Variants in ENTPD5 observed in about 807,000 individuals in gnomAD.
ENTPD5 encodes nucleoside diphosphate phosphatase ENTPD5.
Under a neutral mutation model 60.2 loss-of-function variants are expected in ENTPD5, and 49 were observed. The observed-to-expected ratio is 0.81, with a 90% CI of 0.65 to 1.03. ENTPD5 has a LOEUF of 1.03. ENTPD5 is among the 50% of genes least tolerant of loss of function. ENTPD5 has a pLI of 0.00. For missense variants in ENTPD5, 480 were observed against 507.6 expected, an observed-to-expected ratio of 0.95 and a Z score of 0.52; for synonymous variants, 187 against 185.4, an observed-to-expected ratio of 1.01 and a Z score of -0.07.
chr14:73,967,799 CAAAAAA>C (rs33926682), intron 15 of ENTPD5, among the ~76,000 whole-genome samples: 3 of 97,836 alleles, frequency 3.1e-5, no homozygotes, highest in African/African-American at 4.1e-5. Context: ...GACCCTGTCT[CAAAAAA>C]AAAAAAAAAA....
Position 73,966,724 on chromosome 14 carries a change from C to T in ENTPD5, c.*204G>A. On this transcript the variant is annotated 3_prime_UTR_variant, in exon 16 of 16. Transcript: ENST00000334696. ...AGTTCCAAAACTATACTTTTTGGCT[C>T]ACAGGGCTCTCTGTGATGCTCTGGT... 1 of 471,960 alleles carries T rather than the reference C, an allele frequency of 2.1e-6. No individual in the cohort carries two copies. Among genetic ancestry groups the T allele is most frequent in the South Asian group, 3.8e-5 (1 of 26,586 alleles). 29.2% of individuals were successfully genotyped at this position (471,960 alleles called of 1,614,324 possible). A position where few individuals can be genotyped will look rare whatever the true frequency, so the allele number is the denominator to read the frequency against.
At chr14:74,004,287 C>T (rs1353472072) in intron 3 of ENTPD5, among the ~76,000 whole-genome samples, 2 of 151,988 alleles carry the variant, frequency 1.3e-5, no homozygotes, top group Middle Eastern at 3.2e-3. Context: ...CCTGTCACAG[C>T]CTCCGAAGTA....
chr14:74,008,818 A>T (rs1289464818), intron 3 of ENTPD5: 2 of 152,200 alleles, frequency 1.3e-5, no homozygotes, highest in African/African-American at 4.8e-5. Flanking sequence ...GGCTTATACC[A>T]CCATGCCTGG....
At chr14:73,957,575 C>T (rs915304315), downstream of ENTPD5, among the ~76,000 whole-genome samples, 9 of 151,968 alleles carry the variant, frequency 5.9e-5, no homozygotes, top group Admixed American at 2.6e-4. Context: ...CTAACTGGGA[C>T]GACAGGTGCG....
chr14:73,980,918 C>A (rs900062807), intron 6 of ENTPD5, among the ~76,000 whole-genome samples: 2 of 150,862 alleles, frequency 1.3e-5, no homozygotes, highest in African/African-American at 4.9e-5. Flanking sequence ...ACCAACATGG[C>A]GAAACCCCAT....
chr14:73,972,768 A>T, intron 13 of ENTPD5, 116 bp downstream of exon 13: 1 of 1,220,058 alleles, frequency 8.2e-7, no homozygotes, highest in Non-Finnish European at 1.1e-6. Context: ...TCGAGTGACT[A>T]GAAAAGAGGT....
At chr14:73,955,888 C>T (rs780544618), downstream of ENTPD5, 1 of 1,614,114 alleles carries the variant, frequency 6.2e-7, no homozygotes, top group Non-Finnish European at 8.5e-7. Flanking sequence ...AGAATGATGT[C>T]ATCATGCATG....
At position 73,966,184 on chromosome 14, in the gene ENTPD5, A is replaced by G. The variant is rs1397585707; in HGVS notation, c.*744T>C. ...GCACTGAATATACACATACCCATAA[A>G]GTCGGATATGTTCATTAATCCCAGA... On this transcript the variant is annotated 3_prime_UTR_variant, in exon 16 of 16. Coordinates refer to ENST00000334696, the MANE Select transcript of ENTPD5 (RefSeq NM_001249.5). The G allele has an allele frequency of 6.6e-6, 1 of 152,232 alleles. No homozygotes were observed. Among genetic ancestry groups the G allele is most frequent in the Admixed American group, 6.5e-5 (1 of 15,272 alleles). The allele number at this position is 152,232 out of a possible 1,614,324, so 9.4% of individuals were successfully genotyped here.
chr14:73,986,645 A>G (rs1219082613), intron 5 of ENTPD5, 169 bp downstream of exon 5: 1 of 611,278 alleles, frequency 1.6e-6, no homozygotes, highest in Non-Finnish European at 2.9e-6. Context: ...AGCCCTCATG[A>G]GCGTGGGAAA....
At chr14:73,955,436 T>A (rs1485645110), downstream of ENTPD5, 2 of 1,612,648 alleles carry the variant, frequency 1.2e-6, no homozygotes, top group Non-Finnish European at 1.7e-6. Flanking sequence ...GGTCTATAGA[T>A]CCTTTCTTTT....
At chr14:73,994,594 G>A (rs888494464) in intron 3 of ENTPD5, among the ~76,000 whole-genome samples, 5 of 151,954 alleles carry the variant, frequency 3.3e-5, no homozygotes, top group Non-Finnish European at 2.9e-5. Flanking sequence ...TTAGCCAGGC[G>A]TGGTGGCAGG....
intron 7 of ENTPD5, 66 bp from the exon 8 acceptor site, chr14:73,977,125 GT>G (rs141812276): frequency 0.026 from 28,128 of 1,085,618 alleles, 1 homozygote; most frequent in South Asian, 0.029. Flanking sequence ...CCCCAACCTT[GT>G]TTTTTTTTTT....
rs1022080850 is a variant in ENTPD5, at chr14:73,970,061, G to A, written c.1149C>T (p.Ile383=). ...SPFLCMDLSY[I]TALLKDGFGF... ...CAAAGCCATCCTTTAACAGGGCTGTGATGTAGCTGAGATCCATGCACAGGA... is the reference window on the plus strand; with the variant it reads ...CAAAGCCATCCTTTAACAGGGCTGTAATGTAGCTGAGATCCATGCACAGGA... Residue 383 remains isoleucine (I), a synonymous_variant, in exon 15 of 16, where the codon ATC becomes ATT. Transcript: ENST00000334696. 4.3e-6 allele frequency: 7 copies of A among 1,614,020 alleles called. No individual in the cohort carries two copies. The highest frequency in any genetic ancestry group is 5.9e-6 in the Non-Finnish European group (7 of 1,179,904).
At chr14:74,007,184 C>G (rs72723799) in intron 3 of ENTPD5, among the ~76,000 whole-genome samples, 11,733 of 151,838 alleles carry the variant, frequency 0.077, 549 homozygotes, top group South Asian at 0.14. Context: ...CCTAGAAGTT[C>G]AAGGCCAGCC....
chr14:73,972,291 T>C (rs2057262169), intron 13 of ENTPD5, among the ~76,000 whole-genome samples: 1 of 152,040 alleles, frequency 6.6e-6, no homozygotes, highest in South Asian at 2.1e-4. Flanking sequence ...GGAGAATCGG[T>C]TGAACCCGGG....
chr14:73,999,100 G>A (rs938007559), intron 3 of ENTPD5, among the ~76,000 whole-genome samples: 1 of 151,370 alleles, frequency 6.6e-6, no homozygotes, highest in Non-Finnish European at 1.5e-5. Flanking sequence ...AAAAGTAAAG[G>A]TGAGGAAAAC....
At chr14:73,988,457 G>T (rs1354923823) in intron 3 of ENTPD5, among the ~76,000 whole-genome samples, 1 of 152,106 alleles carries the variant, frequency 6.6e-6, no homozygotes, top group Non-Finnish European at 1.5e-5. Context: ...ATATGCAGAC[G>T]ATGTGTAAAG....
chr14:73,971,754 C>G (rs1206884873), intron 14 of ENTPD5, 98 bp downstream of exon 14: 1 of 772,562 alleles, frequency 1.3e-6, no homozygotes, highest in East Asian at 2.5e-5. Context: ...TTCTGATAGG[C>G]CTTCTGAGCT....
chr14:73,955,838 T>C, downstream of ENTPD5: 1 of 1,614,152 alleles, frequency 6.2e-7, no homozygotes, highest in Non-Finnish European at 8.5e-7. Flanking sequence ...CCTGATAATG[T>C]TTGATAAGGA....
Sources: allele counts gnomAD v4.1 joint callset (sites outside exome capture counted in the v4.1 genomes callset), GRCh38; gene constraint gnomAD v4.1.1; transcripts MANE v1.5; gene names NCBI Gene and HGNC (gene_info 2026-07-23, HGNC 2026-07-21).